MYF5: variants seen among roughly 807,000 people sequenced by gnomAD.
The protein encoded by MYF5 is myogenic factor 5, also known as class C basic helix-loop-helix protein 2.
Under a neutral mutation model 22.3 loss-of-function variants are expected in MYF5, and 20 were observed. The ratio of observed to expected loss-of-function variants is 0.90; its 90% CI spans 0.63 to 1.30. The LOEUF is 1.30. Among genes scored for constraint, MYF5 ranks in the 50% most tolerant of loss-of-function variants. The pLI, the probability that MYF5 is intolerant of heterozygous loss-of-function variation, is 0.00. For missense variants in MYF5, 348 were observed against 325.9 expected, an observed-to-expected ratio of 1.07 and a Z score of -0.52; for synonymous variants, 141 against 128.4, an observed-to-expected ratio of 1.10 and a Z score of -0.66.
At chr12:80,718,077 T>C (rs1302955407) in intron 1 of MYF5, among the ~76,000 whole-genome samples, 1 of 152,192 alleles carries the variant, frequency 6.6e-6, no homozygotes, top group Admixed American at 6.5e-5. Flanking sequence ...TTAGTGTGGC[T>C]TTCTTCTACT....
Position 80,717,383 on chromosome 12 carries a change from A to G in MYF5, c.320A>G (p.Lys107Arg). The change falls in exon 1 of 3, where the codon AAG becomes AGG. Residue 107 changes from lysine (K) to arginine (R), a missense_variant. Physicochemically the swap from Lys to Arg is conservative, Grantham distance 26. Coordinates refer to ENST00000228644, the MANE Select transcript of MYF5 (RefSeq NM_005593.3). ...KKVNQAFETL[K>R]RCTTTNPNQR... ...GTCAACCAGGCTTTCGAAACCCTCAAGAGGTGTACCACGACCAACCCCAAC... is the reference window on the plus strand; with the variant it reads ...GTCAACCAGGCTTTCGAAACCCTCAGGAGGTGTACCACGACCAACCCCAAC... The G allele has an allele frequency of 6.2e-7, 1 of 1,614,178 alleles. No homozygotes were observed. Among genetic ancestry groups the G allele is most frequent in the Non-Finnish European group, 8.5e-7 (1 of 1,180,032 alleles).
At position 80,717,219 on chromosome 12, in the gene MYF5, C is replaced by A. The variant is rs764629115; in HGVS notation, c.156C>A (p.Asp52Glu). ...CAGAGCTGCAGGGCTCAGATGAGGACGAGCACGTGCGAGCGCCTACCGGCC... is the reference window on the plus strand; with the variant it reads ...CAGAGCTGCAGGGCTCAGATGAGGAAGAGCACGTGCGAGCGCCTACCGGCC... ...HKAELQGSDE[D>E]EHVRAPTGHH... The change falls in exon 1 of 3, where the codon GAC becomes GAA. Residue 52 changes from aspartate to glutamate, a missense_variant. Transcript: ENST00000228644. 6.2e-7 allele frequency: 1 copy of A among 1,614,050 alleles called. No individual in the cohort carries two copies. Among genetic ancestry groups the A allele is most frequent in the East Asian group, 2.2e-5 (1 of 44,864 alleles).
Position 80,718,901 on chromosome 12 carries a change from C to T in MYF5, c.618C>T (p.Cys206=). The T allele has an allele frequency of 1.2e-6, 2 of 1,614,008 alleles. No homozygotes were observed. The highest frequency in any genetic ancestry group is 1.7e-6 in the Non-Finnish European group (2 of 1,179,924). The change falls in exon 3 of 3, where the codon TGC becomes TGT. Residue 206 remains cysteine, a synonymous_variant. Coordinates refer to ENST00000228644, the MANE Select transcript of MYF5 (RefSeq NM_005593.3). ...TDKNSLSSLD[C]LSNIVDRITS... The stretch of plus-strand genomic sequence containing the variant: ...AAAACTCCTTATCCAGCTTGGATTG[C>T]TTATCCAACATAGTGGACCGGATCA...
At chr12:80,718,082 T>G (rs1868651651) in intron 1 of MYF5, among the ~76,000 whole-genome samples, 1 of 152,186 alleles carries the variant, frequency 6.6e-6, no homozygotes, top group South Asian at 2.1e-4. Flanking sequence ...GTGGCTTTCT[T>G]CTACTCCAAT....
chr12:80,717,771 A>T (rs1868644207), intron 1 of MYF5, among the ~76,000 whole-genome samples: 1 of 152,200 alleles, frequency 6.6e-6, no homozygotes, highest in Non-Finnish European at 1.5e-5. Context: ...CTAGGTGTAC[A>T]CTGTAATCGA....
chr12:80,717,007 C>T lies in MYF5; in HGVS notation c.-57C>T, dbSNP rs1048072662. The stretch of plus-strand genomic sequence containing the variant: ...GCCCATCGGCGGAGGCGCCAGGCTC[C>T]CGTTTCTCCCCATCCCTCTCGCTGC... On this transcript the variant is annotated 5_prime_UTR_variant, in exon 1 of 3. Transcript: ENST00000228644. 3.9e-6 allele frequency: 6 copies of T among 1,539,300 alleles called. No individual in the cohort carries two copies. Among genetic ancestry groups the T allele is most frequent in the Non-Finnish European group, 2.6e-6 (3 of 1,146,212 alleles).
intron 1 of MYF5, 21 bp from the exon 2 acceptor site, chr12:80,718,334 TTTG>T (rs747189187): frequency 6.2e-7 from 1 of 1,609,656 alleles, no homozygotes; most frequent in Non-Finnish European, 8.5e-7. Context: ...GAAAACAAAC[TTTG>T]TTGTGTGTCT....
intron 2 of MYF5, 44 bp downstream of exon 2, chr12:80,718,477 C>A (rs922704251): frequency 1.4e-6 from 2 of 1,449,406 alleles, no homozygotes; most frequent in Admixed American, 1.7e-5. Context: ...CCAGTTCAAC[C>A]TAACAATTCA....
chr12:80,717,521 G>C lies in MYF5; in HGVS notation c.458G>C (p.Cys153Ser). The change falls in exon 1 of 3, where the codon TGC (cysteine) becomes TCC (serine). Residue 153 changes from cysteine to serine, a missense_variant. Cys to Ser is a moderately radical substitution (Grantham distance 112). Transcript: ENST00000228644. ...ENYYSLPGQS[C>S]SEPTSPTSNC... ...TACTATAGCCTGCCGGGACAGAGCT[G>C]CTCGGAGCCCACCAGCCCCACCTCC... is the stretch of plus-strand genomic sequence containing the variant. 6.2e-7 allele frequency: 1 copy of C among 1,614,096 alleles called. No individual in the cohort carries two copies. The highest frequency in any genetic ancestry group is 8.5e-7 in the Non-Finnish European group (1 of 1,180,010).
At position 80,717,396 on chromosome 12, in the gene MYF5, G is replaced by T. The variant is rs774198899; in HGVS notation, c.333G>T (p.Thr111=). ...QAFETLKRCT[T]TNPNQRLPKV... is the part of the protein sequence containing the mutation. ...TCGAAACCCTCAAGAGGTGTACCAC[G>T]ACCAACCCCAACCAGAGGCTGCCCA... Residue 111 remains threonine, a synonymous_variant, in exon 1 of 3, where the codon ACG becomes ACT. Coordinates refer to ENST00000228644, the MANE Select transcript of MYF5 (RefSeq NM_005593.3). 3.1e-6 allele frequency: 5 copies of T among 1,614,090 alleles called. No individual in the cohort carries two copies. In the South Asian group the frequency reaches 5.5e-5, roughly 18 times the overall value.
Position 80,717,580 on chromosome 12 carries a change from G to C in MYF5, c.501+16G>C. On this transcript the variant is annotated intron_variant, in intron 1 of 2. Coordinates refer to ENST00000228644, the MANE Select transcript of MYF5 (RefSeq NM_005593.3). ...TGATGGCATGGTAAGCAATAGATCT[G>C]GTACCTGCTAGGCTACCCTAATCTT... 6.2e-7 allele frequency: 1 copy of C among 1,610,040 alleles called. No homozygotes were observed.
chr12:80,719,092 A>C lies in MYF5; in HGVS notation c.*41A>C. 6.5e-7 allele frequency: 1 copy of C among 1,531,422 alleles called. No individual in the cohort carries two copies. 94.9% of individuals were successfully genotyped at this position (1,531,422 alleles called of 1,614,324 possible). The stretch of plus-strand genomic sequence containing the variant: ...TATATGACTTCTTCCAGGAGGGCCT[A>C]ATACACAGGAAGAAGAAGGCTTCAA... On this transcript the variant is annotated 3_prime_UTR_variant, in exon 3 of 3. Transcript: ENST00000228644.
In MYF5 at chr12:80,719,209, T is replaced by C. The variant is rs902890959; in HGVS notation, c.*158T>C. On this transcript the variant is annotated 3_prime_UTR_variant, in exon 3 of 3. Coordinates refer to ENST00000228644, the MANE Select transcript of MYF5 (RefSeq NM_005593.3). The stretch of plus-strand genomic sequence containing the variant: ...CTTGCCACTTTATAAGAAAGTGTAT[T>C]TAACTAAAAAGTCATCATTGCAAAT... The C allele has an allele frequency of 1.9e-5, 11 of 569,744 alleles. No individual in the cohort carries two copies. The highest frequency in any genetic ancestry group is 3.5e-5 in the Admixed American group (1 of 28,558). The allele number at this position is 569,744 out of a possible 1,614,324, so 35.3% of individuals were successfully genotyped here.
chr12:80,718,260 C>G, intron 1 of MYF5, 98 bp from the exon 2 acceptor site: 1 of 937,954 alleles, frequency 1.1e-6, no homozygotes. Flanking sequence ...TGACAGTGTT[C>G]GGTTACAGAG....
rs924738452 is a variant in MYF5 at position 80,717,092 on chromosome 12, C to T, written c.29C>T (p.Ser10Leu). 1.6e-5 allele frequency: 26 copies of T among 1,608,860 alleles called. No individual in the cohort carries two copies. Among genetic ancestry groups the T allele is most frequent in the Non-Finnish European group, 2.0e-5 (24 of 1,179,142 alleles). MDVMDGCQF[S>L]PSEYFYDGSC... ...GACGTGATGGATGGCTGCCAGTTCT[C>T]ACCTTCTGAGTACTTCTACGACGGC... The change falls in exon 1 of 3, where the codon TCA becomes TTA. Residue 10 changes from serine (S) to leucine (L), a missense_variant. Ser to Leu is a moderately radical substitution (Grantham distance 145). Transcript: ENST00000228644.
At chr12:80,717,756 A>G (rs1381992395) in intron 1 of MYF5, among the ~76,000 whole-genome samples, 192 bp downstream of exon 1, 7 of 152,214 alleles carry the variant, frequency 4.6e-5, no homozygotes, top group Non-Finnish European at 8.8e-5. Context: ...ACTTTCTAGC[A>G]GGTTCTAGGT....
rs777615704 is a variant in MYF5, at chr12:80,717,472, T to C, written c.409T>C (p.Leu137=). 3.1e-6 allele frequency: 5 copies of C among 1,613,398 alleles called. No individual in the cohort carries two copies. In the Admixed American group the frequency reaches 5.0e-5, roughly 16 times the overall value. Residue 137 remains leucine (L), a synonymous_variant, in exon 1 of 3, where the codon TTG becomes CTG. Coordinates refer to ENST00000228644, the MANE Select transcript of MYF5 (RefSeq NM_005593.3). The part of the protein sequence containing the change: ...AIRYIESLQE[L]LREQVENYYS... ...CCGCTACATCGAGAGCCTGCAGGAGTTGCTGAGAGAGCAGGTGGAGAACTA... is the reference window on the plus strand; with the variant it reads ...CCGCTACATCGAGAGCCTGCAGGAGCTGCTGAGAGAGCAGGTGGAGAACTA...
chr12:80,718,466 A>G, intron 2 of MYF5, 33 bp downstream of exon 2: 1 of 1,495,006 alleles, frequency 6.7e-7, no homozygotes, highest in Non-Finnish European at 9.3e-7. Flanking sequence ...GAGTTTAAAG[A>G]CCAGTTCAAC....
chr12:80,717,117 C>A lies in MYF5; in HGVS notation c.54C>A (p.Gly18=), dbSNP rs188625355. 3 of 1,612,954 alleles carry A rather than the reference C, an allele frequency of 1.9e-6. No homozygotes were observed. Among genetic ancestry groups the A allele is most frequent in the Middle Eastern group, 1.7e-4 (1 of 6,060 alleles). ...QFSPSEYFYD[G]SCIPSPEGEF... ...CACCTTCTGAGTACTTCTACGACGGCTCCTGCATACCGTCCCCCGAGGGTG... is the reference window on the plus strand; with the variant it reads ...CACCTTCTGAGTACTTCTACGACGGATCCTGCATACCGTCCCCCGAGGGTG... Residue 18 remains glycine (G), a synonymous_variant, in exon 1 of 3, where the codon GGC becomes GGA. Coordinates refer to ENST00000228644, the MANE Select transcript of MYF5 (RefSeq NM_005593.3).
Sources: allele counts gnomAD v4.1 joint callset (sites outside exome capture counted in the v4.1 genomes callset), GRCh38; gene constraint gnomAD v4.1.1; transcripts MANE v1.5; gene names NCBI Gene and HGNC (gene_info 2026-07-23, HGNC 2026-07-21).